Variants in RYR2 observed in about 807,000 individuals in gnomAD.
The protein encoded by RYR2 is cardiac muscle ryanodine receptor-calcium release channel.
Under a neutral mutation model 601.1 loss-of-function variants are expected in RYR2, and 227 were observed. The observed-to-expected ratio is 0.38, with a 90% confidence interval of 0.34 to 0.42. The LOEUF is 0.42. RYR2 is among the 10% of genes least tolerant of loss of function. The pLI, the probability that RYR2 is intolerant of heterozygous loss-of-function variation, is 1.00. For synonymous variants in RYR2, 2,223 were observed against 2,175.1 expected, an observed-to-expected ratio of 1.02 and a Z score of -0.61; for missense variants, 4,646 against 6,156.5, an observed-to-expected ratio of 0.75 and a Z score of 8.21.
chr1:237,216,394 T>C (rs1399675314), intron 1 of RYR2, among the ~76,000 whole-genome samples: 1 of 152,044 alleles, frequency 6.6e-6, no homozygotes, highest in African/African-American at 2.4e-5. Context: ...CTTAGAAAAG[T>C]GAGGATTCCA....
In RYR2 at chr1:237,610,637, C is replaced by G; in HGVS notation, c.4684-125C>G. On this transcript the variant is annotated intron_variant, in intron 35 of 104. Coordinates refer to ENST00000366574, the MANE Select transcript of RYR2 (RefSeq NM_001035.3). The surrounding 1 kb of genome is among the most constrained non-coding windows in gnomAD (Gnocchi z 4.9). Reference sequence around the variant, plus strand: ...CAATTTCTATGATTTCTTGTGTTGACTTTGCTTGACTCATAGGGTTATCTT... The same window carrying G: ...CAATTTCTATGATTTCTTGTGTTGAGTTTGCTTGACTCATAGGGTTATCTT... 1.3e-6 allele frequency: 1 copy of G among 746,924 alleles called. No homozygotes were observed. Among genetic ancestry groups the G allele is most frequent in the Non-Finnish European group, 2.2e-6 (1 of 464,502 alleles). The allele number at this position is 746,924 out of a possible 1,614,324, so 46.3% of individuals were successfully genotyped here.
chr1:237,803,667 TCTC>T (rs889176295), intron 98 of RYR2, among the ~76,000 whole-genome samples: 1 of 152,102 alleles, frequency 6.6e-6, no homozygotes, highest in Admixed American at 6.6e-5. Flanking sequence ...TCATCTTCCT[TCTC>T]CTCTGCTCCT....
Position 237,445,456 on chromosome 1 carries a change from A to G in RYR2, c.1226A>G (p.Gln409Arg). The G allele has an allele frequency of 6.2e-7, 1 of 1,613,810 alleles. No individual in the cohort carries two copies. The highest frequency in any genetic ancestry group is 2.2e-5 in the East Asian group (1 of 44,880). ...GATGGCATAAGTTTGTCGAGATCCC[A>G]GCATGAAGAATCACGCACAGCCCGA... Reference protein sequence around the residue: ...MDDGISLSRSQHEESRTARVI... With the variant: ...MDDGISLSRSRHEESRTARVI... The change falls in exon 14 of 105, where the codon CAG becomes CGG. Residue 409 changes from glutamine to arginine, a missense_variant. By Grantham distance (43) the Gln-to-Arg change is conservative. This residue lies in a region of RYR2 where 1,807 missense variants were observed against 2,088.1 expected (regional missense o/e 0.87). Coordinates refer to ENST00000366574, the MANE Select transcript of RYR2 (RefSeq NM_001035.3).
chr1:237,722,503 G>A (rs963001224), intron 73 of RYR2, among the ~76,000 whole-genome samples: 1 of 150,044 alleles, frequency 6.7e-6, no homozygotes. Flanking sequence ...GCGCGATCTC[G>A]GCTCACTGCA....
chr1:237,561,567 G>C lies in RYR2; in HGVS notation c.3215-5000G>C, dbSNP rs116477866. On this transcript the variant is annotated intron_variant, in intron 27 of 104. Coordinates refer to ENST00000366574, the MANE Select transcript of RYR2 (RefSeq NM_001035.3). The stretch of plus-strand genomic sequence containing the variant: ...AGTACATCTGATGTGATTAAGTGTA[G>C]AAAGAGTTGAGGAAGGGTAGATGGT... Among the ~76,000 whole-genome samples, 361 of 152,312 alleles carry C rather than the reference G, an allele frequency of 2.4e-3. 3 individuals are homozygous for C. The highest frequency in any genetic ancestry group is 8.3e-3 in the African/African-American group (346 of 41,578).
intron 1 of RYR2, among the ~76,000 whole-genome samples, chr1:237,061,605 G>C (rs1662901945): frequency 6.6e-6 from 1 of 152,144 alleles, no homozygotes; most frequent in Non-Finnish European, 1.5e-5. Flanking sequence ...GACCAGAATT[G>C]TCTTTTTTAA....
chr1:237,321,527 C>G (rs534079132), intron 2 of RYR2, among the ~76,000 whole-genome samples: 6 of 152,282 alleles, frequency 3.9e-5, no homozygotes, highest in African/African-American at 1.4e-4. Context: ...TAGAGGATCA[C>G]TAGGTTCGAT....
intron 63 of RYR2, among the ~76,000 whole-genome samples, chr1:237,688,630 G>C (rs935277736): frequency 6.6e-6 from 1 of 151,844 alleles, no homozygotes; most frequent in Non-Finnish European, 1.5e-5. Flanking sequence ...AAAATCAATG[G>C]GGCAGTTATC....
At chr1:237,481,031 C>T (rs570942730) in intron 17 of RYR2, among the ~76,000 whole-genome samples, 1 of 151,120 alleles carries the variant, frequency 6.6e-6, no homozygotes, top group Non-Finnish European at 1.5e-5. Flanking sequence ...AAATATGAAG[C>T]ATATGTAATT....
chr1:237,783,837 T>C lies in RYR2; in HGVS notation c.12125T>C (p.Val4042Ala). 1 of 1,613,690 alleles carries C rather than the reference T, an allele frequency of 6.2e-7. No individual in the cohort carries two copies. Among genetic ancestry groups the C allele is most frequent in the South Asian group, 1.1e-5 (1 of 91,050 alleles). Residue 4042 changes from valine to alanine, a missense_variant, in exon 90 of 105, where the codon GTC becomes GCC. Around this residue, in one of 17 missense-constraint regions of RYR2, gnomAD observed 66 missense variants for 80.7 expected, o/e 0.82. Transcript: ENST00000366574. ...GAATATGACCCCGATGGCAAGGGAG[T>C]CATTTCCAAGAGGGACTTCCACAAA... ...FKEYDPDGKG[V>A]ISKRDFHKAM...
rs1405204144 is a variant in RYR2 at position 237,678,062 on chromosome 1, G to A, written c.8845G>A (p.Gly2949Ser). The change falls in exon 61 of 105, where the codon GGC becomes AGC. Residue 2949 changes from glycine to serine, a missense_variant. Coordinates refer to ENST00000366574, the MANE Select transcript of RYR2 (RefSeq NM_001035.3). ...CAAATCTACAGATGGTGGCAGCAGA[G>A]GCAAAGGAGAACATTTCCCTTATGA... ...YILEFDGGSR[G>S]KGEHFPYEQE... 1.2e-6 allele frequency: 2 copies of A among 1,602,370 alleles called. No homozygotes were observed. The highest frequency in any genetic ancestry group is 1.7e-5 in the Admixed American group (1 of 59,584).
chr1:237,353,539 A>G (rs1405658985), intron 3 of RYR2, among the ~76,000 whole-genome samples: 1 of 151,692 alleles, frequency 6.6e-6, no homozygotes, highest in Non-Finnish European at 1.5e-5. Context: ...AAAGAATGCA[A>G]AAATAGAGAT....
chr1:237,657,341 G>A (rs1289958315), intron 53 of RYR2, among the ~76,000 whole-genome samples: 1 of 151,864 alleles, frequency 6.6e-6, no homozygotes, highest in Non-Finnish European at 1.5e-5. Flanking sequence ...AATTATGTAT[G>A]TATGTATATA....
rs1278780476 is a variant in RYR2 at position 237,628,050 on chromosome 1, A to C, written c.6410A>C (p.Glu2137Ala). The part of the protein sequence containing the change: ...RSLLSVRMGK[E>A]EEKLMIRGLG... ...CTGCTGAGTGTGAGAATGGGCAAAG[A>C]AGAAGAGAAGCTCATGATTCGTGGA... The change falls in exon 41 of 105, where the codon GAA (glutamate) becomes GCA (alanine). Residue 2137 changes from glutamate (E) to alanine (A), a missense_variant. Transcript: ENST00000366574. 6.2e-7 allele frequency: 1 copy of C among 1,613,904 alleles called. No homozygotes were observed. The highest frequency in any genetic ancestry group is 8.5e-7 in the Non-Finnish European group (1 of 1,179,878).
At chr1:237,741,114 G>T (rs1332931848) in intron 79 of RYR2, among the ~76,000 whole-genome samples, 2 of 152,150 alleles carry the variant, frequency 1.3e-5, no homozygotes, top group African/African-American at 4.8e-5. Flanking sequence ...TCCTAGGCCT[G>T]CGTCCCCACC....
intron 35 of RYR2, among the ~76,000 whole-genome samples, chr1:237,606,013 A>G (rs1343206975): frequency 1.3e-5 from 2 of 151,612 alleles, no homozygotes; most frequent in African/African-American, 4.8e-5. Flanking sequence ...TATAGATTCA[A>G]TGCCATCCCC....
chr1:237,513,675 G>A (rs1666136895), intron 24 of RYR2, among the ~76,000 whole-genome samples: 1 of 152,190 alleles, frequency 6.6e-6, no homozygotes, highest in Admixed American at 6.5e-5. Flanking sequence ...TTACCATTGT[G>A]TTACAGTTGT....
chr1:237,826,949 A>C (rs1363190603), intron 101 of RYR2, among the ~76,000 whole-genome samples: 2 of 152,164 alleles, frequency 1.3e-5, no homozygotes, highest in Non-Finnish European at 2.9e-5. Context: ...GTATTGACCC[A>C]CTAGCTCTTC....
rs794728702 is a variant in RYR2, at chr1:237,761,038, A to C, written c.11476+10A>C. 2.8e-5 allele frequency: 42 copies of C among 1,512,728 alleles called. No individual in the cohort carries two copies. Among genetic ancestry groups the C allele is most frequent in the Non-Finnish European group, 3.6e-5 (40 of 1,106,016 alleles). The allele number at this position is 1,512,728 out of a possible 1,614,324, so 93.7% of individuals were successfully genotyped here. A position where few individuals can be genotyped will look rare whatever the true frequency, so the allele number is the denominator to read the frequency against. ...ACAGAGGAAGGATCAGGTATTAATG[A>C]CTTACATTAAAAGGATCACCTGTCT... is the stretch of plus-strand genomic sequence containing the variant. On this transcript the variant is annotated intron_variant, in intron 84 of 104. Transcript: ENST00000366574.
Sources: gnomAD v4.1 joint callset for allele counts (sites outside exome capture counted in the v4.1 genomes callset) on GRCh38, gnomAD v4.1.1 for gene constraint, gnomAD v4.1.1 regional missense constraint, Gnocchi (gnomAD v3.1) non-coding constraint, MANE v1.5 for transcripts, NCBI Gene and HGNC (gene_info 2026-07-23, HGNC 2026-07-21) for gene names.